The following JAK2 variants were observed in gnomAD, a reference collection of about 807,000 sequenced individuals.
JAK2 encodes Janus kinase 2.
JAK2 carries 86 observed loss-of-function variants against 139.3 expected under a neutral mutation model. The observed-to-expected ratio is 0.62, with a 90% CI of 0.52 to 0.74. JAK2 has a LOEUF of 0.74. Among genes scored for constraint, JAK2 ranks in the 30% least tolerant of loss-of-function variants. The pLI is 0.00. For synonymous variants in JAK2, 490 were observed against 437.7 expected, an observed-to-expected ratio of 1.12 and a Z score of -1.49; for missense variants, 1,421 against 1,360.3, an observed-to-expected ratio of 1.04 and a Z score of -0.70.
Position 5,044,450 on chromosome 9 carries a change from G to A in JAK2, c.398G>A (p.Arg133Gln), listed in dbSNP as rs376070326. Reference sequence around the variant, plus strand: ...TGCAGTGGCAGCAACAGAGCCTATCGGCATGGAATATCTCGAGGTGCTGAA... The same window carrying A: ...TGCAGTGGCAGCAACAGAGCCTATCAGCATGGAATATCTCGAGGTGCTGAA... Reference protein sequence around the residue: ...WYCSGSNRAYRHGISRGAEAP... With the variant: ...WYCSGSNRAYQHGISRGAEAP... The change falls in exon 5 of 25, where the codon CGG becomes CAG. Residue 133 changes from arginine to glutamine, a missense_variant. Coordinates refer to ENST00000381652, the MANE Select transcript of JAK2 (RefSeq NM_004972.4). The A allele has an allele frequency of 2.0e-5, 32 of 1,613,068 alleles. No homozygotes were observed. The highest frequency in any genetic ancestry group is 2.5e-5 in the Non-Finnish European group (29 of 1,179,540).
chr9:5,088,979 C>G (rs538238057), intron 19 of JAK2, among the ~76,000 whole-genome samples: 2 of 152,322 alleles, frequency 1.3e-5, no homozygotes, highest in South Asian at 4.1e-4. Context: ...CACATTCCAT[C>G]CAGATCACTG....
At chr9:5,087,046 G>T (rs1820175258) in intron 19 of JAK2, among the ~76,000 whole-genome samples, 1 of 152,076 alleles carries the variant, frequency 6.6e-6, no homozygotes, top group Admixed American at 6.6e-5. Flanking sequence ...AAAAAAATCA[G>T]ATATAAATCT....
intron 22 of JAK2, chr9:5,112,880 CCCTCAGCCCCGTG>C (rs1278866210): frequency 2.4e-6 from 1 of 413,824 alleles, no homozygotes; most frequent in Non-Finnish European, 4.0e-6. Context: ...GAGCCACCCG[CCCTCAGCCCCGTG>C]GGCTGGGCCC....
At chr9:5,020,199 C>G (rs1822323294) in intron 2 of JAK2, among the ~76,000 whole-genome samples, 2 of 152,148 alleles carry the variant, frequency 1.3e-5, no homozygotes, top group African/African-American at 4.8e-5. Flanking sequence ...TAGGCAAGTC[C>G]TAAAACCTGC....
intron 2 of JAK2, among the ~76,000 whole-genome samples, chr9:5,020,191 G>T (rs1022901835): frequency 6.6e-6 from 1 of 152,142 alleles, no homozygotes; most frequent in African/African-American, 2.4e-5. Context: ...TGGCTGGGTA[G>T]GCAAGTCCTA....
At position 5,034,405 on chromosome 9, in the gene JAK2, C is replaced by A. The variant is rs1309990542; in HGVS notation, c.350+4499C>A. Among the ~76,000 whole-genome samples, 4 of 152,182 alleles carry A rather than the reference C, an allele frequency of 2.6e-5. No homozygotes were observed. In the South Asian group the frequency reaches 6.2e-4, roughly 24 times the overall value. On this transcript the variant is annotated intron_variant, in intron 4 of 24. Transcript: ENST00000381652. The stretch of plus-strand genomic sequence containing the variant: ...ACCAAGCAGACCTAATAGACATCTA[C>A]AGAACTCTCCACCCCAAATCAACAG...
chr9:5,097,817 T>C (rs1821124947), intron 22 of JAK2: 1 of 152,234 alleles, frequency 6.6e-6, no homozygotes, highest in Non-Finnish European at 1.5e-5. Flanking sequence ...CCAGGAGCGG[T>C]GTTCGCCATC....
At chr9:5,009,934 A>C (rs1477200357) in intron 2 of JAK2, among the ~76,000 whole-genome samples, 1 of 152,058 alleles carries the variant, frequency 6.6e-6, no homozygotes, top group South Asian at 2.1e-4. Context: ...CATGCTGGCT[A>C]ATTTTTAGAT....
intron 23 of JAK2, among the ~76,000 whole-genome samples, chr9:5,125,709 ATATTT>A (rs1470658727): frequency 5.9e-5 from 4 of 67,454 alleles, no homozygotes; most frequent in Non-Finnish European, 1.1e-4. Flanking sequence ...GAAGTTATAT[ATATTT>A]TAATTTCCAT....
chr9:5,031,139 T>C (rs570166594), intron 4 of JAK2, among the ~76,000 whole-genome samples: 1 of 152,248 alleles, frequency 6.6e-6, no homozygotes, highest in East Asian at 1.9e-4. Flanking sequence ...AAGATCAATT[T>C]CTCTTATGCT....
At chr9:5,104,705 C>T (rs1227322942) in intron 22 of JAK2, among the ~76,000 whole-genome samples, 1 of 152,220 alleles carries the variant, frequency 6.6e-6, no homozygotes, top group African/African-American at 2.4e-5. Flanking sequence ...AAAAGCTTAT[C>T]AACCACGATC....
At position 5,029,726 on chromosome 9, in the gene JAK2, A is replaced by G. The variant is rs1823020465; in HGVS notation, c.227-57A>G. ...AGCTTCATTTCAAATTATAGGTGCT[A>G]TGTAAAAATATTCTGTTGTGTACCT... On this transcript the variant is annotated intron_variant, in intron 3 of 24. Coordinates refer to ENST00000381652, the MANE Select transcript of JAK2 (RefSeq NM_004972.4). 9 of 1,428,878 alleles carry G rather than the reference A, an allele frequency of 6.3e-6. No homozygotes were observed. The Admixed American group carries it at 1.8e-4, about 29-fold the overall frequency. 88.5% of individuals were successfully genotyped at this position (1,428,878 alleles called of 1,614,324 possible). A position where few individuals can be genotyped will look rare whatever the true frequency, so the allele number is the denominator to read the frequency against.
At chr9:5,116,025 T>C (rs1216594431) in intron 22 of JAK2, among the ~76,000 whole-genome samples, 1 of 152,082 alleles carries the variant, frequency 6.6e-6, no homozygotes, top group Non-Finnish European at 1.5e-5. Flanking sequence ...ACCTGCACCT[T>C]CTGCACATGT....
At chr9:5,076,581 A>C (rs1381420680) in intron 14 of JAK2, among the ~76,000 whole-genome samples, 1 of 152,194 alleles carries the variant, frequency 6.6e-6, no homozygotes, top group Non-Finnish European at 1.5e-5. Context: ...ATTATAGTGT[A>C]TATACAAGTT....
intron 2 of JAK2, among the ~76,000 whole-genome samples, chr9:4,997,881 A>G (rs756868555): frequency 6.6e-6 from 1 of 151,854 alleles, no homozygotes; most frequent in Non-Finnish European, 1.5e-5. Context: ...ATGTTTATGT[A>G]TTTCTTATTG....
intron 22 of JAK2, among the ~76,000 whole-genome samples, chr9:5,102,197 T>C (rs1005581157): frequency 6.6e-6 from 1 of 152,086 alleles, no homozygotes; most frequent in Non-Finnish European, 1.5e-5. Flanking sequence ...AGACCTTAAA[T>C]GACCTGATGG....
At chr9:5,033,381 TAGAG>T (rs1428560577) in intron 4 of JAK2, among the ~76,000 whole-genome samples, 2 of 151,998 alleles carry the variant, frequency 1.3e-5, no homozygotes, top group Non-Finnish European at 2.9e-5. Flanking sequence ...ATTCAGGAAA[TAGAG>T]AGAACGCCAC....
chr9:5,037,252 G>A (rs1816115314), intron 4 of JAK2, among the ~76,000 whole-genome samples: 1 of 152,160 alleles, frequency 6.6e-6, no homozygotes. Context: ...TTTTTACACT[G>A]TTGGTGGGAC....
intron 2 of JAK2, among the ~76,000 whole-genome samples, chr9:5,016,683 C>G (rs1448191010): frequency 6.6e-6 from 1 of 152,120 alleles, no homozygotes; most frequent in Non-Finnish European, 1.5e-5. Context: ...TAGAGTATCA[C>G]CTGAATTACT....
Sources: gnomAD v4.1 joint callset for allele counts (sites outside exome capture counted in the v4.1 genomes callset) on GRCh38, gnomAD v4.1.1 for gene constraint, MANE v1.5 for transcripts, NCBI Gene and HGNC (gene_info 2026-07-23, HGNC 2026-07-21) for gene names.